The following SLIT3 variants were observed in gnomAD, a reference collection of about 807,000 sequenced individuals.
SLIT3 encodes slit guidance ligand 3, also known as slit homolog 3 protein.
In SLIT3, 68 loss-of-function variants were observed where a neutral mutation model predicts 184.0. The observed-to-expected ratio is 0.37, with a 90% CI of 0.30 to 0.45. The LOEUF is 0.45. Among genes scored for constraint, SLIT3 ranks in the 20% least tolerant of loss-of-function variants. SLIT3 has a pLI of 1.00. For missense variants in SLIT3, 1,707 were observed against 2,026.0 expected, an observed-to-expected ratio of 0.84 and a Z score of 3.02; for synonymous variants, 831 against 828.6, an observed-to-expected ratio of 1.00 and a Z score of -0.05.
At chr5:169,015,132 G>A (rs563095202) in intron 4 of SLIT3, among the ~76,000 whole-genome samples, 48 of 151,758 alleles carry the variant, frequency 3.2e-4, no homozygotes, top group Non-Finnish European at 5.4e-4. Flanking sequence ...CACCATCTAT[G>A]AGTTGATATA....
intron 4 of SLIT3, among the ~76,000 whole-genome samples, chr5:169,071,925 G>A (rs182206119): frequency 3.6e-4 from 55 of 152,292 alleles, no homozygotes; most frequent in African/African-American, 7.2e-4. Context: ...CTCTTGGAAC[G>A]TCACAGAGAG....
chr5:168,819,206 A>G (rs1485690510), intron 7 of SLIT3, among the ~76,000 whole-genome samples: 2 of 152,242 alleles, frequency 1.3e-5, no homozygotes, highest in African/African-American at 2.4e-5. Context: ...GGGTTGGCGA[A>G]CCAGAATCCT....
intron 4 of SLIT3, among the ~76,000 whole-genome samples, chr5:169,096,569 C>T (rs1759791983): frequency 6.6e-6 from 1 of 152,192 alleles, no homozygotes; most frequent in Admixed American, 6.5e-5. Flanking sequence ...AGCCATTGGA[C>T]AGAATTTGGC....
intron 9 of SLIT3, among the ~76,000 whole-genome samples, chr5:168,801,893 C>T (rs532452462): frequency 8.5e-5 from 13 of 152,282 alleles, no homozygotes; most frequent in African/African-American, 2.9e-4. Context: ...CTCTGAGCTG[C>T]TTTGGCTTTG....
chr5:169,249,820 G>A (rs1765712762), intron 2 of SLIT3, among the ~76,000 whole-genome samples: 1 of 152,224 alleles, frequency 6.6e-6, no homozygotes, highest in South Asian at 2.1e-4. Flanking sequence ...AAAAGACTTG[G>A]CACAGGGTGT....
At chr5:168,767,275 C>A (rs1283492173) in intron 14 of SLIT3, among the ~76,000 whole-genome samples, 1 of 152,164 alleles carries the variant, frequency 6.6e-6, no homozygotes, top group Non-Finnish European at 1.5e-5. Flanking sequence ...GCTTCTAGTT[C>A]TGAGCTAGGC....
chr5:168,846,645 G>A lies in SLIT3; in HGVS notation c.486-1990C>T, dbSNP rs146635834. 8.7e-4 allele frequency among the ~76,000 whole-genome samples: 132 copies of A among 152,266 alleles called. 2 individuals carry two copies. The highest frequency in any genetic ancestry group is 3.0e-3 in the African/African-American group (124 of 41,548). ...GAATTCGGCAAAAATGGCACCATCCGCCTAAGTAGAAAAGGATCTAAATCA... is the reference window on the plus strand; with the variant it reads ...GAATTCGGCAAAAATGGCACCATCCACCTAAGTAGAAAAGGATCTAAATCA... On this transcript the variant is annotated intron_variant, in intron 5 of 35. Transcript: ENST00000519560.
chr5:168,891,394 G>C (rs1760454058), intron 4 of SLIT3, among the ~76,000 whole-genome samples: 1 of 152,168 alleles, frequency 6.6e-6, no homozygotes. Context: ...CCCTCCCCTG[G>C]GAGCCAGAGA....
chr5:169,283,901 T>C (rs1581137835), intron 1 of SLIT3, among the ~76,000 whole-genome samples: 2 of 152,280 alleles, frequency 1.3e-5, no homozygotes, highest in Non-Finnish European at 2.9e-5. Context: ...AAAGGTAAGG[T>C]TGGGGCTCCT....
intron 4 of SLIT3, among the ~76,000 whole-genome samples, chr5:169,084,351 C>T (rs1004949975): frequency 1.3e-5 from 2 of 149,868 alleles, no homozygotes; most frequent in South Asian, 2.1e-4. Context: ...ATGGCGCGAT[C>T]GTGATCTCAG....
Position 168,840,867 on chromosome 5 carries a change from C to A in SLIT3, c.557+3717G>T, listed in dbSNP as rs367833684. ...GAGTGCCAAAGTCTATGGCAATGGC[C>A]ACGAGTGGGAATAAATCATCTCTGG... On this transcript the variant is annotated intron_variant, in intron 6 of 35. Transcript: ENST00000519560. Among the ~76,000 whole-genome samples, 57 of 152,246 alleles carry A rather than the reference C, an allele frequency of 3.7e-4. No homozygotes were observed. The East Asian group carries it at 9.3e-3, about 25-fold the overall frequency.
At chr5:169,062,162 C>A (rs184535904) in intron 4 of SLIT3, among the ~76,000 whole-genome samples, 2 of 151,956 alleles carry the variant, frequency 1.3e-5, no homozygotes, top group Non-Finnish European at 2.9e-5. Context: ...CCAGCCTGGG[C>A]GACAGAGCGA....
chr5:168,784,803 C>T (rs1020415119), intron 12 of SLIT3, among the ~76,000 whole-genome samples: 2 of 152,020 alleles, frequency 1.3e-5, no homozygotes, highest in Non-Finnish European at 2.9e-5. Context: ...CTGAACTTTA[C>T]GTAGGAGGTG....
chr5:169,006,479 A>C (rs979935316), intron 4 of SLIT3, among the ~76,000 whole-genome samples: 1 of 151,932 alleles, frequency 6.6e-6, no homozygotes. Flanking sequence ...ATTACACACA[A>C]GTTGTGGTCT....
intron 4 of SLIT3, among the ~76,000 whole-genome samples, chr5:169,155,791 C>T (rs1008120827): frequency 6.6e-6 from 1 of 152,122 alleles, no homozygotes; most frequent in Admixed American, 6.5e-5. Flanking sequence ...CAGAAGTGGC[C>T]ACAGATAGTA....
intron 4 of SLIT3, among the ~76,000 whole-genome samples, chr5:169,089,097 CTG>C (rs1759466091): frequency 7.5e-6 from 1 of 134,180 alleles, no homozygotes; most frequent in Admixed American, 7.9e-5. Flanking sequence ...GCCAGGGAAT[CTG>C]TGTTTCATAC....
chr5:168,987,426 A>T (rs1169964899), intron 4 of SLIT3, among the ~76,000 whole-genome samples: 1 of 152,218 alleles, frequency 6.6e-6, no homozygotes. Flanking sequence ...AGGGCCAGCC[A>T]ATCCTGGTTT....
intron 5 of SLIT3, 62 bp downstream of exon 5, chr5:168,883,203 C>T: frequency 7.4e-7 from 1 of 1,346,050 alleles, no homozygotes; most frequent in Non-Finnish European, 1.1e-6. Context: ...CCCTCACCCT[C>T]ACTCTGGTCA....
chr5:168,817,493 T>G (rs1008015358), intron 7 of SLIT3, 30 bp from the exon 8 acceptor site: 2 of 1,577,144 alleles, frequency 1.3e-6, no homozygotes, highest in Non-Finnish European at 1.7e-6. Flanking sequence ...AGAGAAGGCA[T>G]GGTCACAGGT....
Sources: gnomAD v4.1 joint callset for allele counts (sites outside exome capture counted in the v4.1 genomes callset) on GRCh38, gnomAD v4.1.1 for gene constraint, MANE v1.5 for transcripts, NCBI Gene and HGNC (gene_info 2026-07-23, HGNC 2026-07-21) for gene names.